Variants in CDK14 observed in about 807,000 individuals in gnomAD.
The protein encoded by CDK14 is cyclin dependent kinase 14.
CDK14 carries 34 observed loss-of-function variants against 60.7 expected under a neutral mutation model. The observed-to-expected ratio is 0.56, with a 90% CI of 0.43 to 0.75. The LOEUF (loss-of-function observed/expected upper bound fraction) is 0.75. Ranked by LOEUF, CDK14 falls within the 30% of genes least tolerant of loss-of-function variation. CDK14 has a pLI of 0.00. For missense variants in CDK14, 482 were observed against 564.1 expected (o/e 0.85, Z 1.47); for synonymous variants, 197 against 203.7 (o/e 0.97, Z 0.28).
chr7:91,150,751 G>A (rs940203720), intron 14 of CDK14, among the ~76,000 whole-genome samples: 4 of 152,134 alleles, frequency 2.6e-5, no homozygotes, highest in African/African-American at 9.7e-5. Flanking sequence ...GAGTCCAAGT[G>A]AGCCCAGGAA....
At chr7:90,778,210 A>C (rs532593743) in intron 4 of CDK14, among the ~76,000 whole-genome samples, 14 of 152,298 alleles carry the variant, frequency 9.2e-5, no homozygotes, top group African/African-American at 3.4e-4. Flanking sequence ...CTCTTGATAC[A>C]TTTTGTCTAA....
chr7:90,953,930 C>T (rs760047329), intron 8 of CDK14, among the ~76,000 whole-genome samples: 36 of 151,922 alleles, frequency 2.4e-4, no homozygotes, highest in Non-Finnish European at 4.3e-4. Context: ...TTCAATTTTG[C>T]CTGAATTAAT....
At chr7:90,838,232 A>G (rs531229757) in intron 5 of CDK14, among the ~76,000 whole-genome samples, 2 of 152,226 alleles carry the variant, frequency 1.3e-5, no homozygotes, top group East Asian at 3.9e-4. Context: ...TTTCATGGAC[A>G]TTTATTAGTT....
intron 11 of CDK14, among the ~76,000 whole-genome samples, chr7:91,059,670 G>T (rs1406162708): frequency 1.3e-5 from 2 of 152,242 alleles, no homozygotes; most frequent in Non-Finnish European, 2.9e-5. Flanking sequence ...GTACCCAGTA[G>T]TCATTCAGGA....
intron 2 of CDK14, among the ~76,000 whole-genome samples, chr7:90,634,154 CTTTAAG>C (rs1354181208): frequency 6.6e-6 from 1 of 151,512 alleles, no homozygotes; most frequent in Non-Finnish European, 1.5e-5. Context: ...TATTATTATA[CTTTAAG>C]TTTTAGGGTA....
chr7:90,693,331 C>T (rs935585029), intron 2 of CDK14, among the ~76,000 whole-genome samples: 1 of 152,002 alleles, frequency 6.6e-6, no homozygotes, highest in African/African-American at 2.4e-5. Context: ...TGGAATAGAC[C>T]CTAGTCTGTG....
At chr7:90,895,153 T>G in intron 6 of CDK14, among the ~76,000 whole-genome samples, 1 of 152,138 alleles carries the variant, frequency 6.6e-6, no homozygotes, top group East Asian at 1.9e-4. Flanking sequence ...TTCAGTACCT[T>G]TTTAGTTATA....
chr7:90,753,443 A>G (rs547591101), intron 4 of CDK14, among the ~76,000 whole-genome samples: 1 of 152,314 alleles, frequency 6.6e-6, no homozygotes, highest in South Asian at 2.1e-4. Flanking sequence ...ACATCCCTTC[A>G]TGATAAAGAC....
chr7:91,094,194 A>C (rs940165950), intron 12 of CDK14, among the ~76,000 whole-genome samples: 4 of 152,314 alleles, frequency 2.6e-5, no homozygotes, highest in Non-Finnish European at 4.4e-5. Context: ...AAAAGGAAAA[A>C]TAAATAAAAA....
intron 2 of CDK14, among the ~76,000 whole-genome samples, chr7:90,609,209 G>A (rs1228126852): frequency 6.6e-6 from 1 of 152,016 alleles, no homozygotes; most frequent in Non-Finnish European, 1.5e-5. Flanking sequence ...ATTTTTTGTA[G>A]AGATGGAGTC....
At chr7:91,163,771 C>A (rs1285790728) in intron 14 of CDK14, among the ~76,000 whole-genome samples, 1 of 152,160 alleles carries the variant, frequency 6.6e-6, no homozygotes, top group Admixed American at 6.5e-5. Context: ...CACCCTACCC[C>A]ACTCCCAGCT....
At chr7:90,673,334 T>C (rs980851292) in intron 2 of CDK14, among the ~76,000 whole-genome samples, 5 of 152,182 alleles carry the variant, frequency 3.3e-5, no homozygotes, top group Admixed American at 6.5e-5. Flanking sequence ...GAGGGAGTGA[T>C]GCTTTCATCC....
chr7:90,934,122 C>T (rs1248418873), intron 8 of CDK14, among the ~76,000 whole-genome samples: 2 of 152,230 alleles, frequency 1.3e-5, no homozygotes, highest in South Asian at 2.1e-4. Flanking sequence ...CCTGGAAAGG[C>T]GGTCAGTGCC....
At chr7:90,803,926 T>A (rs183219623) in intron 5 of CDK14, among the ~76,000 whole-genome samples, 144 of 152,188 alleles carry the variant, frequency 9.5e-4, no homozygotes, top group African/African-American at 3.2e-3. Flanking sequence ...AGATATGGAG[T>A]TCACCTTGAA....
intron 9 of CDK14, among the ~76,000 whole-genome samples, chr7:90,983,634 C>T (rs574886635): frequency 6.0e-5 from 9 of 150,290 alleles, no homozygotes; most frequent in East Asian, 3.9e-4. Flanking sequence ...GAGCAGAGAT[C>T]GCGCCACTGC....
chr7:90,633,751 T>C (rs1282457053), intron 2 of CDK14, among the ~76,000 whole-genome samples: 5 of 152,150 alleles, frequency 3.3e-5, no homozygotes, highest in African/African-American at 1.2e-4. Context: ...AAATCTTTTT[T>C]TTTCTTTCTA....
chr7:91,024,370 A>G (rs1056272346), intron 10 of CDK14, among the ~76,000 whole-genome samples: 2 of 152,092 alleles, frequency 1.3e-5, no homozygotes, highest in African/African-American at 4.8e-5. Flanking sequence ...TTTAAGTTGG[A>G]TGCTGGGCAC....
chr7:90,866,805 C>G (rs1444637926), intron 6 of CDK14, among the ~76,000 whole-genome samples: 1 of 152,106 alleles, frequency 6.6e-6, no homozygotes, highest in Non-Finnish European at 1.5e-5. Flanking sequence ...TGAAAGAATA[C>G]TCAAGGAAAT....
chr7:90,915,741 C>G (rs1793059949), intron 7 of CDK14, among the ~76,000 whole-genome samples: 1 of 152,172 alleles, frequency 6.6e-6, no homozygotes, highest in Non-Finnish European at 1.5e-5. Flanking sequence ...GGCTCTGCCA[C>G]TTAATTGCTG....
Sources: gnomAD v4.1 joint callset for allele counts (sites outside exome capture counted in the v4.1 genomes callset) on GRCh38, gnomAD v4.1.1 for gene constraint, MANE v1.5 for transcripts, NCBI Gene and HGNC (gene_info 2026-07-23, HGNC 2026-07-21) for gene names.